The following PTK7 variants were observed in gnomAD, a reference collection of about 807,000 sequenced individuals.
PTK7 encodes inactive tyrosine-protein kinase 7.
PTK7 carries 39 observed loss-of-function variants against 116.6 expected under a neutral mutation model. The ratio of observed to expected loss-of-function variants is 0.33; its 90% CI spans 0.26 to 0.44. The LOEUF (loss-of-function observed/expected upper bound fraction) is 0.44, where lower values mean the gene tolerates loss of function less well. Among genes scored for constraint, PTK7 ranks in the 20% least tolerant of loss-of-function variants. PTK7 has a pLI of 1.00. For missense variants in PTK7, 1,169 were observed against 1,425.6 expected (o/e 0.82, Z 2.90); for synonymous variants, 546 against 563.6 (o/e 0.97, Z 0.44).
intron 1 of PTK7, among the ~76,000 whole-genome samples, chr6:43,089,515 CA>C (rs1766831882): frequency 6.6e-6 from 1 of 152,204 alleles, no homozygotes; most frequent in Non-Finnish European, 1.5e-5. Context: ...CTTACAGCCT[CA>C]GGGGGGAGAA....
At chr6:43,157,360 A>ATTTTT (rs1387944123) in intron 17 of PTK7, among the ~76,000 whole-genome samples, 3 of 8,032 alleles carry the variant, frequency 3.7e-4, no homozygotes, top group Non-Finnish European at 6.2e-4. Flanking sequence ...ATATATATAT[A>ATTTTT]TATATTTTTT....
At chr6:43,109,947 C>T (rs1311028313) in intron 1 of PTK7, among the ~76,000 whole-genome samples, 1 of 150,578 alleles carries the variant, frequency 6.6e-6, no homozygotes, top group African/African-American at 2.4e-5. Flanking sequence ...ATCCACCTGC[C>T]TCGGCCTCCC....
At chr6:43,097,592 G>A (rs1245140651) in intron 1 of PTK7, among the ~76,000 whole-genome samples, 1 of 152,176 alleles carries the variant, frequency 6.6e-6, no homozygotes, top group Non-Finnish European at 1.5e-5. Context: ...TGTGAAATTT[G>A]CACAGGATAA....
At chr6:43,085,361 C>T (rs1051325773) in intron 1 of PTK7, among the ~76,000 whole-genome samples, 7 of 152,056 alleles carry the variant, frequency 4.6e-5, no homozygotes, top group Non-Finnish European at 8.8e-5. Context: ...CCATTCTCCT[C>T]CCTCAGCCTC....
intron 1 of PTK7, among the ~76,000 whole-genome samples, chr6:43,121,903 G>A (rs1043236100): frequency 3.3e-5 from 5 of 152,170 alleles, no homozygotes; most frequent in Admixed American, 1.3e-4. Context: ...ACTTTGGGAG[G>A]CTGAGGCAGG....
intron 17 of PTK7, among the ~76,000 whole-genome samples, chr6:43,155,980 G>T (rs574843974): frequency 1.3e-5 from 2 of 152,112 alleles, no homozygotes; most frequent in South Asian, 2.1e-4. Flanking sequence ...TGTAATCCCA[G>T]CACTTTGGGA....
intron 1 of PTK7, among the ~76,000 whole-genome samples, chr6:43,102,529 C>T (rs1200012112): frequency 6.6e-6 from 1 of 151,622 alleles, no homozygotes; most frequent in Admixed American, 6.6e-5. Flanking sequence ...GTGGAGGTTG[C>T]GGTGCATTGA....
chr6:43,142,517 G>GTT (rs1459645960), intron 13 of PTK7: 2 of 748,496 alleles, frequency 2.7e-6, no homozygotes, highest in Non-Finnish European at 4.6e-6. Context: ...GTGTGTGTGT[G>GTT]TGTTGTGGGG....
chr6:43,157,183 T>C (rs1313687701), intron 17 of PTK7, among the ~76,000 whole-genome samples: 103 of 147,358 alleles, frequency 7.0e-4, no homozygotes, highest in South Asian at 1.3e-3. Context: ...TTTTTTTTTT[T>C]CCCACAAAAA....
chr6:43,130,731 A>T, intron 5 of PTK7, 70 bp downstream of exon 5: 1 of 1,552,262 alleles, frequency 6.4e-7, no homozygotes, highest in Non-Finnish European at 8.9e-7. Flanking sequence ...AGGGGGTGCG[A>T]TTTGTATCAC....
intron 1 of PTK7, among the ~76,000 whole-genome samples, chr6:43,117,951 G>A (rs1768657452): frequency 6.7e-6 from 1 of 150,314 alleles, no homozygotes; most frequent in African/African-American, 2.4e-5. Context: ...AAAAACGAAA[G>A]AAAAGAAAAG....
At chr6:43,132,365 C>G (rs1769738744) in intron 6 of PTK7, 56 bp from the exon 7 acceptor site, 2 of 1,532,518 alleles carry the variant, frequency 1.3e-6, no homozygotes, top group African/African-American at 2.7e-5. Context: ...GGGAGAACAT[C>G]ATGTACCCTG....
Position 43,158,818 on chromosome 6 carries a change from T to C in PTK7, c.2723T>C (p.Val908Ala), listed in dbSNP as rs774555283. 3.7e-6 allele frequency: 6 copies of C among 1,613,852 alleles called. No homozygotes were observed. The South Asian group carries it at 5.5e-5, about 15-fold the overall frequency. ...TAACAGGCCCCTTTATCTCTCCAGG[T>C]GGCCCTATGCACCCAGGTAGCCCTG... ...KSQPLSTKQKVALCTQVALGM... is the reference protein window; with the variant it reads ...KSQPLSTKQKAALCTQVALGM... The change falls in exon 18 of 20, where the codon GTG becomes GCG. Residue 908 changes from valine to alanine, a missense_variant and splice_region_variant. Physicochemically the swap from Val to Ala is moderately conservative, Grantham distance 64. Transcript: ENST00000230419.
At chr6:43,121,726 G>C (rs1021491102) in intron 1 of PTK7, among the ~76,000 whole-genome samples, 2 of 152,184 alleles carry the variant, frequency 1.3e-5, no homozygotes, top group African/African-American at 4.8e-5. Flanking sequence ...TAAATCCTCA[G>C]AGTCACAAAT....
At chr6:43,081,454 G>A (rs1423659034) in intron 1 of PTK7, among the ~76,000 whole-genome samples, 1 of 152,118 alleles carries the variant, frequency 6.6e-6, no homozygotes, top group Non-Finnish European at 1.5e-5. Context: ...CTCCCAGGCT[G>A]GAGGCATTGG....
At chr6:43,131,927 C>A in intron 5 of PTK7, 89 bp from the exon 6 acceptor site, 2 of 1,555,438 alleles carry the variant, frequency 1.3e-6, no homozygotes, top group Non-Finnish European at 1.8e-6. Context: ...ACTACATTTC[C>A]GACTTTGCAG....
At position 43,130,252 on chromosome 6, in the gene PTK7, G is replaced by A; in HGVS notation, c.493G>A (p.Asp165Asn). The change falls in exon 4 of 20, where the codon GAT becomes AAT. Residue 165 changes from aspartate (D) to asparagine (N), a missense_variant. Coordinates refer to ENST00000230419, the MANE Select transcript of PTK7 (RefSeq NM_002821.5). ...HPRPTYQWFR[D>N]GTPLSDGQSN... ...CAGGCCCACCTACCAATGGTTCCGA[G>A]ATGGGACCCCCCTTTCTGATGGTCA... 6.3e-7 allele frequency: 1 copy of A among 1,593,122 alleles called. No homozygotes were observed. The highest frequency in any genetic ancestry group is 8.6e-7 in the Non-Finnish European group (1 of 1,165,764).
chr6:43,131,946 T>A (rs563328785), intron 5 of PTK7, 70 bp from the exon 6 acceptor site: 399 of 1,595,688 alleles, frequency 2.5e-4, no homozygotes, highest in Non-Finnish European at 3.2e-4. Context: ...AGGAAAGGGG[T>A]TCCCTTGCAT....
intron 1 of PTK7, among the ~76,000 whole-genome samples, chr6:43,124,242 C>T (rs1349149429): frequency 6.6e-6 from 1 of 152,198 alleles, no homozygotes; most frequent in African/African-American, 2.4e-5. Flanking sequence ...TCCCGAACCG[C>T]CTGCCTTCTT....
Sources: gnomAD v4.1 joint callset for allele counts (sites outside exome capture counted in the v4.1 genomes callset) on GRCh38, gnomAD v4.1.1 for gene constraint, MANE v1.5 for transcripts, NCBI Gene and HGNC (gene_info 2026-07-23, HGNC 2026-07-21) for gene names.